Variants in OPHN1 observed in about 807,000 individuals in gnomAD.
OPHN1 encodes oligophrenin 1.
OPHN1 carries 11 observed loss-of-function variants against 60.7 expected under a neutral mutation model. The observed-to-expected ratio is 0.18, with a 90% confidence interval of 0.11 to 0.30. OPHN1 has a LOEUF of 0.30. Ranked by LOEUF, OPHN1 falls within the 10% of genes least tolerant of loss-of-function variation. The probability of loss-of-function intolerance (pLI) is 1.00; values close to 1 mark genes in which losing one functional copy is unlikely to be tolerated. For synonymous variants in OPHN1, 226 were observed against 222.6 expected (o/e 1.02, Z -0.14); for missense variants, 449 against 611.0 (o/e 0.73, Z 2.80).
chrX:68,063,914 T>C lies in OPHN1; in HGVS notation c.2098A>G (p.Lys700Glu). The C allele has an allele frequency of 1.7e-6, 2 of 1,187,708 alleles. No individual in the cohort carries two copies. Among genetic ancestry groups the C allele is most frequent in the African/African-American group, 3.5e-5 (2 of 56,860 alleles). ...NGPMPGSGPT[K>E]TPSFHIKRPA... ...CTCTTTATGTGGAAAGAGGGGGTCT[T>C]GGTGGGCCCAGAGCCTGGCATGGGT... is the stretch of plus-strand genomic sequence containing the variant. Residue 700 changes from lysine (K) to glutamate (E), a missense_variant, in exon 21 of 25, where the codon AAG (lysine) becomes GAG (glutamate). By Grantham distance (56) the Lys-to-Glu change is moderately conservative. This residue lies in a region of OPHN1 where 184 missense variants were observed against 160.5 expected (regional missense o/e 1.15). Transcript: ENST00000355520.
chrX:68,111,898 T>C lies in OPHN1; in HGVS notation c.1482A>G (p.Glu494=), dbSNP rs1371061934. 2 of 1,208,353 alleles carry C rather than the reference T, an allele frequency of 1.7e-6. No individual in the cohort carries two copies. The highest frequency in any genetic ancestry group is 1.7e-5 in the African/African-American group (1 of 57,628). Residue 494 remains glutamate, a synonymous_variant, in exon 18 of 25, where the codon GAA becomes GAG. Transcript: ENST00000355520. The part of the protein sequence containing the change: ...AIHSLVYKLP[E]KNREMLELLI... ...GAAGTTCCAGCATCTCTCGGTTCTT[T>C]TCTGGTAGCTTATATACCAGGGAGT... is the stretch of plus-strand genomic sequence containing the variant.
intron 2 of OPHN1, among the ~76,000 whole-genome samples, chrX:68,327,040 G>A (rs750736324): frequency 4.3e-5 from 2 of 46,678 alleles, no homozygotes; most frequent in South Asian, 2.6e-3. Flanking sequence ...GGGGGGAACA[G>A]CCCCCGCCCG....
At chrX:68,190,311 A>T (rs2077482343) in intron 15 of OPHN1, among the ~76,000 whole-genome samples, 1 of 112,445 alleles carries the variant, frequency 8.9e-6, no homozygotes, top group African/African-American at 3.2e-5. Flanking sequence ...ACTGCCCTAA[A>T]CACAATGATT....
At chrX:68,315,307 CAGAG>C (rs1181033823) in intron 2 of OPHN1, among the ~76,000 whole-genome samples, 1 of 109,420 alleles carries the variant, frequency 9.1e-6, no homozygotes, top group African/African-American at 3.3e-5. Flanking sequence ...GAGGAAGGGA[CAGAG>C]AGAGAGAGAA....
intron 6 of OPHN1, among the ~76,000 whole-genome samples, chrX:68,229,206 G>A (rs1450780349): frequency 4.5e-5 from 5 of 111,215 alleles, no homozygotes; most frequent in Admixed American, 9.6e-5. Flanking sequence ...AACTTACAAG[G>A]GATGTGAAGG....
chrX:68,420,914 T>C (rs996320527), intron 2 of OPHN1, among the ~76,000 whole-genome samples: 1 of 109,866 alleles, frequency 9.1e-6, no homozygotes. Flanking sequence ...ACTGTTTTCA[T>C]GAAGCACAGT....
intron 5 of OPHN1, among the ~76,000 whole-genome samples, chrX:68,235,027 A>G (rs1488336269): frequency 1.8e-5 from 2 of 112,420 alleles, no homozygotes; most frequent in African/African-American, 6.4e-5. Context: ...AATAATAAGT[A>G]AAACATTTCC....
intron 19 of OPHN1, among the ~76,000 whole-genome samples, chrX:68,076,458 A>T (rs1487678316): frequency 1.8e-5 from 2 of 110,937 alleles, no homozygotes; most frequent in Non-Finnish European, 3.8e-5. Context: ...CCATTAAAAA[A>T]TTTCAATTCA....
At chrX:68,141,059 C>A (rs748622866) in intron 15 of OPHN1, among the ~76,000 whole-genome samples, 27 of 111,829 alleles carry the variant, frequency 2.4e-4, no homozygotes, top group African/African-American at 7.8e-4. Flanking sequence ...TCAAAAAGGG[C>A]AGGTGCAGGA....
At chrX:68,305,556 G>A (rs2078141220) in intron 2 of OPHN1, among the ~76,000 whole-genome samples, 1 of 112,327 alleles carries the variant, frequency 8.9e-6, no homozygotes, top group African/African-American at 3.2e-5. Flanking sequence ...TTGAGGTTCT[G>A]CACAAGCAGG....
Position 68,267,942 on chromosome X carries a change from G to A in OPHN1, c.384+6796C>T, listed in dbSNP as rs181285119. Among the ~76,000 whole-genome samples the A allele has an allele frequency of 2.8e-3, 313 of 111,784 alleles. 2 individuals are homozygous for A. Among genetic ancestry groups the A allele is most frequent in the African/African-American group, 9.8e-3 (301 of 30,782 alleles). On this transcript the variant is annotated intron_variant, in intron 5 of 24. Coordinates refer to ENST00000355520, the MANE Select transcript of OPHN1 (RefSeq NM_002547.3). ...TAAACTAGAAAATCTAGAAGAAATG[G>A]ATAAATTCCTCGACACATATACCCT... is the stretch of plus-strand genomic sequence containing the variant.
In OPHN1 at chrX:68,143,438, C is replaced by A. The variant is rs113752817; in HGVS notation, c.1277-24106G>T. Among the ~76,000 whole-genome samples, 227 of 110,682 alleles carry A rather than the reference C, an allele frequency of 2.1e-3. 3 individuals carry two copies. Among genetic ancestry groups the A allele is most frequent in the African/African-American group, 7.3e-3 (222 of 30,448 alleles). On this transcript the variant is annotated intron_variant, in intron 15 of 24. Transcript: ENST00000355520. ...ACACCAAGAGACAACAAAATGAAATCAAATTTCTTCATCTTTGGGAAACGG... is the reference window on the plus strand; with the variant it reads ...ACACCAAGAGACAACAAAATGAAATAAAATTTCTTCATCTTTGGGAAACGG...
At chrX:68,369,352 C>T (rs1015998029) in intron 2 of OPHN1, among the ~76,000 whole-genome samples, 10 of 111,387 alleles carry the variant, frequency 9.0e-5, no homozygotes, top group African/African-American at 3.3e-4. Context: ...ACAGAAAAAA[C>T]CCCAGCAACT....
intron 15 of OPHN1, among the ~76,000 whole-genome samples, chrX:68,177,915 T>C (rs1373075522): frequency 8.9e-6 from 1 of 112,010 alleles, no homozygotes; most frequent in African/African-American, 3.2e-5. Flanking sequence ...CAGCTGCTCA[T>C]AGAATAGACC....
chrX:68,424,487 G>T (rs1423288899), intron 2 of OPHN1, among the ~76,000 whole-genome samples: 2 of 111,264 alleles, frequency 1.8e-5, no homozygotes, highest in African/African-American at 3.3e-5. Context: ...AATAAAATCA[G>T]CTCAAGATTT....
intron 3 of OPHN1, among the ~76,000 whole-genome samples, chrX:68,294,370 G>A (rs970495818): frequency 1.9e-5 from 2 of 106,839 alleles, no homozygotes; most frequent in East Asian, 2.9e-4. Context: ...CTACTCGGGA[G>A]GCCGAGGCAG....
chrX:68,228,996 T>A (rs1020807561), intron 6 of OPHN1, among the ~76,000 whole-genome samples: 27 of 111,398 alleles, frequency 2.4e-4, no homozygotes, highest in Non-Finnish European at 4.1e-4. Flanking sequence ...ATGACATGAT[T>A]GAATATTTAG....
chrX:68,406,030 G>C, intron 2 of OPHN1, among the ~76,000 whole-genome samples: 1 of 108,325 alleles, frequency 9.2e-6, no homozygotes, highest in Non-Finnish European at 1.9e-5. Flanking sequence ...CTGTAATCTA[G>C]TAAGCTACTC....
chrX:68,097,935 C>T (rs1221794313), intron 18 of OPHN1, among the ~76,000 whole-genome samples: 2 of 111,047 alleles, frequency 1.8e-5, no homozygotes, highest in Admixed American at 1.9e-4. Flanking sequence ...TGGTACCTGG[C>T]ACCCTGGGAA....
Sources: allele counts gnomAD v4.1 joint callset (sites outside exome capture counted in the v4.1 genomes callset), GRCh38; gene constraint gnomAD v4.1.1; regional missense constraint gnomAD v4.1.1; transcripts MANE v1.5; gene names NCBI Gene and HGNC (gene_info 2026-07-23, HGNC 2026-07-21).